The following TRDN variants were observed in gnomAD, a reference collection of about 807,000 sequenced individuals.
TRDN encodes triadin in skeletal muscle.
TRDN carries 161 observed loss-of-function variants against 149.7 expected under a neutral mutation model. That is an observed-to-expected ratio of 1.08 (90% CI 0.95 to 1.23). The LOEUF is 1.23. Among genes scored for constraint, TRDN ranks in the 50% most tolerant of loss-of-function variants. The pLI, the probability that TRDN is intolerant of heterozygous loss-of-function variation, is 0.00. For synonymous variants in TRDN, 294 were observed against 250.5 expected (o/e 1.17, Z -1.64); for missense variants, 896 against 823.5 (o/e 1.09, Z -1.08).
intron 1 of TRDN, 116 bp downstream of exon 1, chr6:123,636,638 G>T (rs2114758751): frequency 1.6e-6 from 2 of 1,219,502 alleles, no homozygotes; most frequent in South Asian, 1.3e-5. Flanking sequence ...TAGAATCATT[G>T]ACCAAGGCAA....
chr6:123,406,078 A>G (rs1773180072), intron 12 of TRDN, among the ~76,000 whole-genome samples: 1 of 152,216 alleles, frequency 6.6e-6, no homozygotes, highest in Non-Finnish European at 1.5e-5. Flanking sequence ...TGAATTTTCT[A>G]GAAAACCAGA....
At chr6:123,306,386 T>C (rs572218824) in intron 24 of TRDN, among the ~76,000 whole-genome samples, 6 of 152,236 alleles carry the variant, frequency 3.9e-5, no homozygotes, top group Admixed American at 1.3e-4. Context: ...TTAGTGATGC[T>C]TTCAGATAAG....
At chr6:123,584,615 T>A (rs934095660) in intron 1 of TRDN, among the ~76,000 whole-genome samples, 3 of 151,938 alleles carry the variant, frequency 2.0e-5, no homozygotes, top group East Asian at 1.9e-4. Context: ...CAGATGAGGA[T>A]GAAATTTGGG....
chr6:123,619,857 C>G (rs77942477), intron 1 of TRDN, among the ~76,000 whole-genome samples: 6,061 of 152,042 alleles, frequency 0.04, 413 homozygotes, highest in African/African-American at 0.14. Context: ...ACTGTGCATA[C>G]AGATAAAAAA....
At chr6:123,633,217 A>G (rs774751446) in intron 1 of TRDN, among the ~76,000 whole-genome samples, 14 of 152,064 alleles carry the variant, frequency 9.2e-5, no homozygotes, top group Non-Finnish European at 1.9e-4. Context: ...ATTACATTGC[A>G]AGGAAGATAA....
At chr6:123,569,239 TCCAATA>T (rs752057765) in intron 2 of TRDN, among the ~76,000 whole-genome samples, 9 of 152,174 alleles carry the variant, frequency 5.9e-5, no homozygotes, top group Non-Finnish European at 1.3e-4. Flanking sequence ...TGATCCAGTC[TCCAATA>T]CATTCCTCAT....
At chr6:123,277,393 A>C (rs1176640322) in intron 26 of TRDN, among the ~76,000 whole-genome samples, 1 of 152,094 alleles carries the variant, frequency 6.6e-6, no homozygotes, top group Non-Finnish European at 1.5e-5. Flanking sequence ...TTATGGATTT[A>C]ATTGCATCTC....
intron 14 of TRDN, among the ~76,000 whole-genome samples, chr6:123,388,081 C>A (rs954389503): frequency 7.0e-6 from 1 of 143,664 alleles, no homozygotes; most frequent in African/African-American, 2.6e-5. Flanking sequence ...AAAAATAGAA[C>A]AAAAAAATCC....
intron 24 of TRDN, among the ~76,000 whole-genome samples, chr6:123,308,368 G>T (rs1224543126): frequency 1.3e-5 from 2 of 148,268 alleles, no homozygotes; most frequent in Admixed American, 6.7e-5. Context: ...GAAAGCTTTT[G>T]CATAAATACC....
intron 39 of TRDN, among the ~76,000 whole-genome samples, chr6:123,222,817 C>A (rs1775199828): frequency 6.6e-6 from 1 of 151,748 alleles, no homozygotes. Context: ...CAAACAACCT[C>A]ATTACAAAGT....
chr6:123,532,440 G>A (rs1160422822), intron 4 of TRDN, among the ~76,000 whole-genome samples: 1 of 149,890 alleles, frequency 6.7e-6, no homozygotes. Flanking sequence ...TAATTTGGAT[G>A]GGCTTCTCTG....
chr6:123,340,589 G>C (rs1204477663), intron 21 of TRDN, among the ~76,000 whole-genome samples: 1 of 151,986 alleles, frequency 6.6e-6, no homozygotes, highest in African/African-American at 2.4e-5. Context: ...TTCTTACCCA[G>C]CTTGCTCTAC....
rs1431221190 is a variant in TRDN, at chr6:123,631,855, T to C, written c.22+4899A>G. ...CACCCACACCCCAACTACTTTCTTC[T>C]TGGGCATATTATTTAGAAGCAAATT... is the stretch of plus-strand genomic sequence containing the variant. On this transcript the variant is annotated intron_variant, in intron 1 of 40. Coordinates refer to ENST00000334268, the MANE Select transcript of TRDN (RefSeq NM_006073.4). Among the ~76,000 whole-genome samples, 7 of 152,130 alleles carry C rather than the reference T, an allele frequency of 4.6e-5. 1 individual carries two copies. The South Asian group carries it at 1.5e-3, about 32-fold the overall frequency.
At chr6:123,636,691 T>C (rs1240331889) in intron 1 of TRDN, 63 bp downstream of exon 1, 1 of 1,554,866 alleles carries the variant, frequency 6.4e-7, no homozygotes, top group Non-Finnish European at 8.9e-7. Flanking sequence ...CGACAGTTAA[T>C]GTGGCTGTCG....
rs374426512 is a variant in TRDN, at chr6:123,331,874, A to G, written c.1471+5T>C. 2.1e-5 allele frequency: 32 copies of G among 1,535,642 alleles called. No homozygotes were observed. The highest frequency in any genetic ancestry group is 2.7e-5 in the Non-Finnish European group (31 of 1,136,746). On this transcript the variant is annotated splice_donor_5th_base_variant and intron_variant, in intron 23 of 40. Coordinates refer to ENST00000334268, the MANE Select transcript of TRDN (RefSeq NM_006073.4). ...GTGGCTTCACATTTCATTGTATAAT[A>G]TTACCTTTTTCCTTTAGGGAAGCTG... is the stretch of plus-strand genomic sequence containing the variant.
chr6:123,470,397 G>A (rs1777087687), intron 9 of TRDN: 1 of 152,134 alleles, frequency 6.6e-6, no homozygotes, highest in South Asian at 2.1e-4. Flanking sequence ...TGTTTGTGGA[G>A]ATAATAGTAC....
In TRDN at chr6:123,611,206, T is replaced by C. The variant is rs548075171; in HGVS notation, c.22+25548A>G. On this transcript the variant is annotated intron_variant, in intron 1 of 40. Coordinates refer to ENST00000334268, the MANE Select transcript of TRDN (RefSeq NM_006073.4). ...TGAAAATTGAAAAGTAAAACCTCAA[T>C]GTATAAAAATAAGGTTTTACTTTAA... 6.8e-4 allele frequency among the ~76,000 whole-genome samples: 103 copies of C among 152,256 alleles called. 1 individual carries two copies. The highest frequency in any genetic ancestry group is 6.4e-3 in the South Asian group (31 of 4,826).
chr6:123,574,857 C>CATATAT (rs1162190609), intron 1 of TRDN, among the ~76,000 whole-genome samples: 4,130 of 49,656 alleles, frequency 0.083, 117 homozygotes, highest in Non-Finnish European at 0.1. Flanking sequence ...TTTATATATA[C>CATATAT]ATATATATAT....
intron 24 of TRDN, among the ~76,000 whole-genome samples, chr6:123,306,361 C>T (rs539232013): frequency 3.3e-4 from 50 of 152,152 alleles, no homozygotes; most frequent in African/African-American, 1.1e-3. Context: ...TTAAGCCTAA[C>T]TGTAAAATGA....
Sources: allele counts gnomAD v4.1 joint callset (sites outside exome capture counted in the v4.1 genomes callset), GRCh38; gene constraint gnomAD v4.1.1; transcripts MANE v1.5; gene names NCBI Gene and HGNC (gene_info 2026-07-23, HGNC 2026-07-21).